CACNA1C: variants seen among roughly 807,000 people sequenced by gnomAD.
CACNA1C encodes voltage-dependent L-type calcium channel subunit alpha-1C.
Under a neutral mutation model 229.0 loss-of-function variants are expected in CACNA1C, and 30 were observed. The ratio of observed to expected loss-of-function variants is 0.13; its 90% CI spans 0.10 to 0.18. The LOEUF (loss-of-function observed/expected upper bound fraction) is 0.18. Among genes scored for constraint, CACNA1C ranks in the 10% least tolerant of loss-of-function variants. The pLI, the probability that CACNA1C is intolerant of heterozygous loss-of-function variation, is 1.00. For synonymous variants in CACNA1C, 1,114 were observed against 1,132.5 expected (o/e 0.98, Z 0.33); for missense variants, 1,658 against 2,845.0 (o/e 0.58, Z 9.49).
chr12:2,439,107 C>T (rs1008322022), intron 3 of CACNA1C, among the ~76,000 whole-genome samples: 4 of 152,138 alleles, frequency 2.6e-5, no homozygotes, highest in Non-Finnish European at 5.9e-5. Flanking sequence ...GCTGTGGCCA[C>T]GCTCTGACAC....
rs556307040 is a variant in CACNA1C, at chr12:2,664,693, T to C, written c.4233-132T>C. ...CAAATATATCAGAGCATTCAGGGAA[T>C]GATGAACATCAAGTTCATTTTAGTA... On this transcript the variant is annotated intron_variant, in intron 34 of 46. Transcript: ENST00000399655. 58 of 625,932 alleles carry C rather than the reference T, an allele frequency of 9.3e-5. No homozygotes were observed. In the South Asian group the frequency reaches 1.5e-3, roughly 17 times the overall value. 38.8% of individuals were successfully genotyped at this position (625,932 alleles called of 1,614,324 possible).
At chr12:2,582,615 ATAT>A (rs1304972978) in intron 14 of CACNA1C, among the ~76,000 whole-genome samples, 4 of 152,214 alleles carry the variant, frequency 2.6e-5, no homozygotes, top group Non-Finnish European at 5.9e-5. Flanking sequence ...CCTTCAAATA[ATAT>A]TATGCCAATA....
chr12:2,593,436 A>G, intron 19 of CACNA1C, 91 bp downstream of exon 19: 1 of 1,362,448 alleles, frequency 7.3e-7, no homozygotes, highest in South Asian at 1.3e-5. Flanking sequence ...CTGGATGGAG[A>G]CTGAGACTCT....
Position 2,691,054 on chromosome 12 carries a change from A to C in CACNA1C, c.6272A>C (p.Asn2091Thr). The C allele has an allele frequency of 6.2e-7, 1 of 1,607,330 alleles. No homozygotes were observed. Among genetic ancestry groups the C allele is most frequent in the Non-Finnish European group, 8.5e-7 (1 of 1,177,138 alleles). ...ILSGGAPQSPNGALLPFVNCR... is the reference protein window; with the variant it reads ...ILSGGAPQSPTGALLPFVNCR... ...AGCGGGGGCGCCCCACAGAGCCCCA[A>C]TGGCGCCCTCTTACCCTTTGTGAAC... Residue 2091 changes from asparagine to threonine, a missense_variant, in exon 47 of 47, where the codon AAT (asparagine) becomes ACT (threonine). Coordinates refer to ENST00000399655, the MANE Select transcript of CACNA1C (RefSeq NM_000719.7).
intron 1 of CACNA1C, among the ~76,000 whole-genome samples, chr12:2,097,986 C>T (rs984921639): frequency 3.9e-5 from 6 of 152,162 alleles, no homozygotes; most frequent in Admixed American, 2.0e-4. Flanking sequence ...GGACCTCGTA[C>T]GGTATCTGGT....
intron 27 of CACNA1C, among the ~76,000 whole-genome samples, chr12:2,609,089 G>A (rs1198896743): frequency 1.3e-5 from 2 of 152,194 alleles, no homozygotes; most frequent in Non-Finnish European, 2.9e-5. Flanking sequence ...GGGCTTTTGG[G>A]GTGGGGAACA....
At chr12:2,387,765 G>A (rs1366598627) in intron 3 of CACNA1C, among the ~76,000 whole-genome samples, 1 of 152,162 alleles carries the variant, frequency 6.6e-6, no homozygotes, top group South Asian at 2.1e-4. Flanking sequence ...AGAGAGCTCA[G>A]CAGCTGCAAG....
intron 1 of CACNA1C, among the ~76,000 whole-genome samples, chr12:2,082,930 C>T (rs117804885): frequency 2.6e-5 from 4 of 152,316 alleles, no homozygotes; most frequent in South Asian, 2.1e-4. Flanking sequence ...TAACTCGTTA[C>T]GCCTGTGAAA....
intron 3 of CACNA1C, among the ~76,000 whole-genome samples, chr12:2,256,090 C>CGATCCTGACCTGA (rs142296568): frequency 3.4e-4 from 12 of 34,886 alleles, no homozygotes; most frequent in Admixed American, 1.2e-3. Flanking sequence ...TACAATCACA[C>CGATCCTGACCTGA]CTCCTGTTTC....
At chr12:2,341,559 C>T (rs1392258928) in intron 3 of CACNA1C, among the ~76,000 whole-genome samples, 1 of 152,196 alleles carries the variant, frequency 6.6e-6, no homozygotes, top group Non-Finnish European at 1.5e-5. Context: ...GAGAGGCAGC[C>T]TCCCGCGGAG....
At chr12:2,411,950 G>A (rs1317069113) in intron 3 of CACNA1C, among the ~76,000 whole-genome samples, 1 of 152,230 alleles carries the variant, frequency 6.6e-6, no homozygotes, top group Non-Finnish European at 1.5e-5. Context: ...CCTCCTGGCT[G>A]TCCCTCTGAG....
intron 9 of CACNA1C, among the ~76,000 whole-genome samples, chr12:2,549,349 T>C (rs12298278): frequency 0.19 from 29,559 of 152,092 alleles, 3,664 homozygotes; most frequent in African/African-American, 0.35. Context: ...TGAATCTTAG[T>C]GCATGGCTCT....
Position 2,116,818 on chromosome 12 carries a change from A to T in CACNA1C, c.371+1273A>T, listed in dbSNP as rs180713877. Among the ~76,000 whole-genome samples the T allele has an allele frequency of 2.7e-3, 417 of 152,290 alleles. 2 individuals are homozygous for T. Among genetic ancestry groups the T allele is most frequent in the African/African-American group, 9.8e-3 (407 of 41,564 alleles). ...GACTGTGGGAATTTTTATAATAAGG[A>T]TTCCTCCAGGCAGGACTGCTGTGTC... On this transcript the variant is annotated intron_variant, in intron 2 of 46. Coordinates refer to ENST00000399655, the MANE Select transcript of CACNA1C (RefSeq NM_000719.7).
At chr12:2,469,267 A>G (rs542256837) in intron 5 of CACNA1C, among the ~76,000 whole-genome samples, 2 of 152,338 alleles carry the variant, frequency 1.3e-5, no homozygotes, top group African/African-American at 4.8e-5. Flanking sequence ...ATTGATGATG[A>G]TAGAAAAGTT....
At chr12:2,100,466 CAA>C (rs1204435262) in intron 1 of CACNA1C, among the ~76,000 whole-genome samples, 2 of 42,480 alleles carry the variant, frequency 4.7e-5, no homozygotes. Flanking sequence ...GACTCCATCT[CAA>C]AAAAAAAAAA....
chr12:2,069,401 C>T (rs1394642257), intron 1 of CACNA1C, among the ~76,000 whole-genome samples: 1 of 152,134 alleles, frequency 6.6e-6, no homozygotes, highest in Non-Finnish European at 1.5e-5. Context: ...AGTTATTTGA[C>T]TTGCATGTGG....
intron 3 of CACNA1C, among the ~76,000 whole-genome samples, chr12:2,375,469 C>G (rs935336190): frequency 4.6e-5 from 7 of 152,184 alleles, no homozygotes; most frequent in East Asian, 1.9e-4. Flanking sequence ...TCTTAGCTCT[C>G]TGAACACCAA....
At chr12:2,234,439 A>G (rs957462207) in intron 3 of CACNA1C, among the ~76,000 whole-genome samples, 1 of 152,204 alleles carries the variant, frequency 6.6e-6, no homozygotes, top group South Asian at 2.1e-4. Context: ...GGTCACCTGC[A>G]TGTGCCTTGA....
At chr12:2,153,349 T>G (rs2095389212) in intron 3 of CACNA1C, among the ~76,000 whole-genome samples, 1 of 152,196 alleles carries the variant, frequency 6.6e-6, no homozygotes, top group Non-Finnish European at 1.5e-5. Flanking sequence ...CATTCACATT[T>G]TAACCATTTT....
Sources: gnomAD v4.1 joint callset for allele counts (sites outside exome capture counted in the v4.1 genomes callset) on GRCh38, gnomAD v4.1.1 for gene constraint, MANE v1.5 for transcripts, NCBI Gene and HGNC (gene_info 2026-07-23, HGNC 2026-07-21) for gene names.